Variants in ZC3H3 observed in about 807,000 individuals in gnomAD.
ZC3H3 encodes the protein zinc finger CCCH domain-containing protein 3.
In ZC3H3, 36 loss-of-function variants were observed where a neutral mutation model predicts 77.3. The observed-to-expected ratio is 0.47, with a 90% CI of 0.36 to 0.61. The LOEUF (loss-of-function observed/expected upper bound fraction) is 0.61, where lower values mean the gene tolerates loss of function less well. Among genes scored for constraint, ZC3H3 ranks in the 20% least tolerant of loss-of-function variants. ZC3H3 has a pLI of 0.00. For missense variants in ZC3H3, 1,331 were observed against 1,312.2 expected, an observed-to-expected ratio of 1.01 and a Z score of -0.22; for synonymous variants, 626 against 555.2, an observed-to-expected ratio of 1.13 and a Z score of -1.79.
chr8:143,448,927 C>T (rs1819924217), intron 9 of ZC3H3, among the ~76,000 whole-genome samples: 1 of 152,266 alleles, frequency 6.6e-6, no homozygotes, highest in East Asian at 1.9e-4. Flanking sequence ...TGAGTACCTG[C>T]AGGCTTACCA....
intron 9 of ZC3H3, among the ~76,000 whole-genome samples, chr8:143,455,554 A>G (rs1820095790): frequency 6.6e-6 from 1 of 152,168 alleles, no homozygotes. Context: ...TGAGATCTAC[A>G]GTAAGAATGA....
At chr8:143,471,965 C>T (rs962294073) in intron 5 of ZC3H3, among the ~76,000 whole-genome samples, 1 of 152,224 alleles carries the variant, frequency 6.6e-6, no homozygotes, top group Non-Finnish European at 1.5e-5. Flanking sequence ...CCTGTCGACC[C>T]AAAGGGCGAG....
intron 9 of ZC3H3, among the ~76,000 whole-genome samples, chr8:143,441,766 TG>T (rs993055329): frequency 1.3e-5 from 2 of 152,056 alleles, no homozygotes; most frequent in African/African-American, 4.8e-5. Context: ...TGGCCTGTGG[TG>T]CAGGGCGCCC....
At position 143,497,260 on chromosome 8, in the gene ZC3H3, G is replaced by C. The variant is rs535505683; in HGVS notation, c.1715+10486C>G. On this transcript the variant is annotated intron_variant, in intron 4 of 11. Coordinates refer to ENST00000262577, the MANE Select transcript of ZC3H3 (RefSeq NM_015117.3). ...TTCTCCTCCCTCCCAGGGGTTCCCA[G>C]AACAGCCAGGACAGGGAGACTCGGC... is the stretch of plus-strand genomic sequence containing the variant. 9.9e-5 allele frequency among the ~76,000 whole-genome samples: 15 copies of C among 152,280 alleles called. No homozygotes were observed. The East Asian group carries it at 2.9e-3, about 29-fold the overall frequency.
chr8:143,442,232 G>A (rs1819760386), intron 9 of ZC3H3, among the ~76,000 whole-genome samples: 1 of 152,092 alleles, frequency 6.6e-6, no homozygotes, highest in South Asian at 2.1e-4. Context: ...TGGAAGCCAG[G>A]CTCAGGCCAG....
At chr8:143,483,869 C>T (rs1356277553) in intron 4 of ZC3H3, among the ~76,000 whole-genome samples, 3 of 152,210 alleles carry the variant, frequency 2.0e-5, no homozygotes, top group Non-Finnish European at 2.9e-5. Flanking sequence ...GCAGGGGCTC[C>T]GGCACCATGG....
In ZC3H3 at chr8:143,440,170, C is replaced by A. The variant is rs532936063; in HGVS notation, c.2686G>T (p.Ala896Ser). 1.2e-6 allele frequency: 2 copies of A among 1,611,970 alleles called. No homozygotes were observed. Among genetic ancestry groups the A allele is most frequent in the African/African-American group, 1.3e-5 (1 of 75,038 alleles). The change falls in exon 11 of 12, where the codon GCT (alanine) becomes TCT (serine). Residue 896 changes from alanine (A) to serine (S), a missense_variant. Ala to Ser is a moderately conservative substitution (Grantham distance 99). This residue lies in a region of ZC3H3 where 249 missense variants were observed against 236.9 expected (regional missense o/e 1.05). Transcript: ENST00000262577. ...LDHEAPSLQEAALAAACSNRL... is the reference protein window; with the variant it reads ...LDHEAPSLQESALAAACSNRL... ...TTGGAGCACGCTGCTGCTAAGGCAG[C>A]CTCCTGGAGAGATGGTGCCTCGTGG...
At chr8:143,492,210 G>A (rs138651979) in intron 4 of ZC3H3, among the ~76,000 whole-genome samples, 34 of 152,332 alleles carry the variant, frequency 2.2e-4, no homozygotes, top group Non-Finnish European at 4.4e-4. Context: ...AAGCCTCGGG[G>A]GGAGGAGTGT....
intron 9 of ZC3H3, among the ~76,000 whole-genome samples, chr8:143,453,773 ACTGTGT>A (rs1484438853): frequency 6.6e-6 from 1 of 152,200 alleles, no homozygotes; most frequent in East Asian, 1.9e-4. Context: ...AAAAATTATA[ACTGTGT>A]CTGTTGTGGT....
chr8:143,471,367 G>A (rs1273678994), intron 5 of ZC3H3, among the ~76,000 whole-genome samples: 1 of 152,228 alleles, frequency 6.6e-6, no homozygotes, highest in East Asian at 1.9e-4. Flanking sequence ...TCACCCCAGG[G>A]AGGGTGGGCA....
rs564115461 is a variant in ZC3H3, at chr8:143,520,495, G to A, written c.1562-12596C>T. 6.4e-4 allele frequency among the ~76,000 whole-genome samples: 98 copies of A among 152,286 alleles called. 2 individuals are homozygous for A. The highest frequency in any genetic ancestry group is 2.3e-3 in the East Asian group (12 of 5,166). ...CTCCCAGGCCCACGCAGTGGGAACC[G>A]GCTGGGAAGCACCGGGGTGCAGGTC... On this transcript the variant is annotated intron_variant, in intron 3 of 11. Transcript: ENST00000262577.
At chr8:143,501,279 C>A (rs998490599) in intron 4 of ZC3H3, among the ~76,000 whole-genome samples, 3 of 152,114 alleles carry the variant, frequency 2.0e-5, no homozygotes, top group African/African-American at 7.2e-5. Flanking sequence ...TGGCTCACTG[C>A]GGCCTCAACC....
At position 143,441,065 on chromosome 8, in the gene ZC3H3, G is replaced by A. The variant is rs1224018859; in HGVS notation, c.2363C>T (p.Pro788Leu). 4.1e-6 allele frequency: 6 copies of A among 1,475,430 alleles called. No individual in the cohort carries two copies. In the South Asian group the frequency reaches 8.4e-5, roughly 21 times the overall value. The allele number at this position is 1,475,430 out of a possible 1,614,324, so 91.4% of individuals were successfully genotyped here. The change falls in exon 10 of 12, where the codon CCC becomes CTC. Residue 788 changes from proline to leucine, a missense_variant. Pro to Leu is a moderately conservative substitution (Grantham distance 98). Transcript: ENST00000262577. ...GAGCAGCTGGCACTGGGCGCCGCGG[G>A]GACACGCCCCCCTGCGGGCAAAGTC... Reference protein sequence around the residue: ...CPDFARRGACPRGAQCQLLHR... With the variant: ...CPDFARRGACLRGAQCQLLHR...
intron 11 of ZC3H3, among the ~76,000 whole-genome samples, chr8:143,438,723 G>A (rs186893837): frequency 2.0e-5 from 3 of 152,292 alleles, no homozygotes; most frequent in Admixed American, 6.5e-5. Context: ...CAGACCACCC[G>A]ACAGGCACCA....
intron 4 of ZC3H3, among the ~76,000 whole-genome samples, chr8:143,499,990 G>C (rs114047605): frequency 0.018 from 2,772 of 152,154 alleles, 78 homozygotes; most frequent in African/African-American, 0.063. Context: ...CACCAGAGCA[G>C]CGGCCGGGCT....
At chr8:143,503,020 G>T (rs1821571784) in intron 4 of ZC3H3, among the ~76,000 whole-genome samples, 1 of 152,224 alleles carries the variant, frequency 6.6e-6, no homozygotes, top group African/African-American at 2.4e-5. Context: ...CAGAGCAACA[G>T]CCCCGTCCTG....
At chr8:143,491,829 C>G (rs1455173973) in intron 4 of ZC3H3, among the ~76,000 whole-genome samples, 1 of 152,184 alleles carries the variant, frequency 6.6e-6, no homozygotes, top group Non-Finnish European at 1.5e-5. Context: ...ATGACTCCCT[C>G]AGTCCTGCAG....
chr8:143,469,684 G>A (rs1429990228), intron 5 of ZC3H3, among the ~76,000 whole-genome samples: 2 of 152,168 alleles, frequency 1.3e-5, no homozygotes, highest in Non-Finnish European at 2.9e-5. Flanking sequence ...GGGATGAGGC[G>A]GGGAGGGGGT....
chr8:143,489,942 G>T (rs902851018), intron 4 of ZC3H3, among the ~76,000 whole-genome samples: 2 of 152,126 alleles, frequency 1.3e-5, no homozygotes, highest in Non-Finnish European at 2.9e-5. Context: ...TACCCACTGT[G>T]GTCCCTGGGC....
Sources: allele counts gnomAD v4.1 joint callset (sites outside exome capture counted in the v4.1 genomes callset), GRCh38; gene constraint gnomAD v4.1.1; regional missense constraint gnomAD v4.1.1; transcripts MANE v1.5; gene names NCBI Gene and HGNC (gene_info 2026-07-23, HGNC 2026-07-21).